The following ZFPM2 variants were observed in gnomAD, a reference collection of about 807,000 sequenced individuals.
ZFPM2 encodes zinc finger protein ZFPM2.
A neutral mutation model predicts 98.6 loss-of-function variants in ZFPM2; 20 were observed. The observed-to-expected ratio is 0.20, with a 90% CI of 0.14 to 0.29. ZFPM2 has a LOEUF of 0.29. Ranked by LOEUF, ZFPM2 falls within the 10% of genes least tolerant of loss-of-function variation. The pLI, the probability that ZFPM2 is intolerant of heterozygous loss-of-function variation, is 1.00. For missense variants in ZFPM2, 1,310 were observed against 1,388.6 expected (o/e 0.94, Z 0.90); for synonymous variants, 518 against 502.7 (o/e 1.03, Z -0.41).
chr8:105,445,711 C>A (rs979299316), intron 3 of ZFPM2, among the ~76,000 whole-genome samples: 2 of 149,932 alleles, frequency 1.3e-5, no homozygotes, highest in African/African-American at 4.9e-5. Context: ...CTCAAGTGAT[C>A]CTCCCACCTC....
At chr8:105,537,800 G>T (rs1162072433) in intron 3 of ZFPM2, among the ~76,000 whole-genome samples, 1 of 150,966 alleles carries the variant, frequency 6.6e-6, no homozygotes, top group Non-Finnish European at 1.5e-5. Context: ...GCACAATTTC[G>T]GCTCACTGCA....
chr8:105,541,730 C>T (rs761885414), intron 3 of ZFPM2, among the ~76,000 whole-genome samples: 7 of 152,034 alleles, frequency 4.6e-5, no homozygotes, highest in Non-Finnish European at 1.0e-4. Flanking sequence ...AATATATTTC[C>T]ATTTAAAACA....
chr8:105,609,083 A>G (rs1425996603), intron 4 of ZFPM2, among the ~76,000 whole-genome samples: 1 of 152,182 alleles, frequency 6.6e-6, no homozygotes, highest in Non-Finnish European at 1.5e-5. Context: ...TACAAGCAAT[A>G]TATCAACAAG....
intron 3 of ZFPM2, among the ~76,000 whole-genome samples, chr8:105,447,193 A>G (rs1244467146): frequency 6.6e-6 from 1 of 151,878 alleles, no homozygotes; most frequent in Non-Finnish European, 1.5e-5. Context: ...CCTACTATAT[A>G]CCCACAAAAA....
At chr8:105,687,531 G>C (rs1222336055) in intron 5 of ZFPM2, among the ~76,000 whole-genome samples, 1 of 152,094 alleles carries the variant, frequency 6.6e-6, no homozygotes, top group African/African-American at 2.4e-5. Context: ...GATGTAAACT[G>C]TATAAATAAG....
Position 105,444,326 on chromosome 8 carries a change from A to G in ZFPM2, c.246A>G (p.Thr82=). 1.9e-6 allele frequency: 3 copies of G among 1,612,596 alleles called. No homozygotes were observed. The highest frequency in any genetic ancestry group is 2.2e-5 in the South Asian group (2 of 90,504). Residue 82 remains threonine (T), a synonymous_variant, in exon 3 of 8, where the codon ACA becomes ACG. Transcript: ENST00000407775. The stretch of plus-strand genomic sequence containing the variant: ...AGACAGCAGAATCAGATGGGGACAC[A>G]CAGTCAGAGAAACCGGGGCAACCTG... ...IQETAESDGD[T]QSEKPGQPGV... is the part of the protein sequence containing the mutation.
intron 5 of ZFPM2, among the ~76,000 whole-genome samples, chr8:105,754,952 G>A (rs1812563594): frequency 1.7e-5 from 2 of 116,728 alleles, no homozygotes; most frequent in African/African-American, 8.9e-5. Flanking sequence ...TAATATGTGT[G>A]TGTGTGTGTG....
At chr8:105,669,521 A>G (rs1268967206) in intron 5 of ZFPM2, among the ~76,000 whole-genome samples, 1 of 146,012 alleles carries the variant, frequency 6.8e-6, no homozygotes. Context: ...TCTCTATTTT[A>G]AGCTGAAAGT....
At chr8:105,364,352 G>T (rs894951273) in intron 1 of ZFPM2, among the ~76,000 whole-genome samples, 3 of 152,044 alleles carry the variant, frequency 2.0e-5, no homozygotes, top group African/African-American at 4.8e-5. Flanking sequence ...ATAATTCATG[G>T]CAAGTAGGAG....
At chr8:105,667,021 A>G (rs955737301) in intron 5 of ZFPM2, among the ~76,000 whole-genome samples, 5 of 152,198 alleles carry the variant, frequency 3.3e-5, no homozygotes, top group African/African-American at 4.8e-5. Flanking sequence ...TAAAAGTGGA[A>G]TTAGCCACTT....
chr8:105,428,697 A>G (rs1414744082), intron 2 of ZFPM2, among the ~76,000 whole-genome samples: 1 of 152,206 alleles, frequency 6.6e-6, no homozygotes, highest in Non-Finnish European at 1.5e-5. Flanking sequence ...TTTGACCTCA[A>G]CACAAAATAA....
intron 1 of ZFPM2, among the ~76,000 whole-genome samples, chr8:105,385,338 T>C (rs889194329): frequency 2.6e-5 from 4 of 152,208 alleles, no homozygotes; most frequent in Admixed American, 6.5e-5. Flanking sequence ...CTATTCTTAG[T>C]AGTGGAAATA....
chr8:105,382,664 G>T (rs1810910818), intron 1 of ZFPM2, among the ~76,000 whole-genome samples: 1 of 152,024 alleles, frequency 6.6e-6, no homozygotes, highest in African/African-American at 2.4e-5. Context: ...TTCTACATTT[G>T]GGGAATGGCT....
intron 5 of ZFPM2, among the ~76,000 whole-genome samples, chr8:105,700,322 G>C (rs1358920261): frequency 5.3e-5 from 8 of 152,152 alleles, no homozygotes; most frequent in Admixed American, 5.2e-4. Flanking sequence ...AGGTTTTCAA[G>C]AATTATTACA....
intron 2 of ZFPM2, among the ~76,000 whole-genome samples, chr8:105,431,532 G>T (rs1403960713): frequency 6.6e-6 from 1 of 152,136 alleles, no homozygotes; most frequent in East Asian, 1.9e-4. Flanking sequence ...TTACCTTATA[G>T]TGGGGAGGCA....
At chr8:105,794,711 C>T (rs892921726) in intron 6 of ZFPM2, among the ~76,000 whole-genome samples, 4 of 152,242 alleles carry the variant, frequency 2.6e-5, no homozygotes, top group Admixed American at 6.5e-5. Flanking sequence ...AGGCAGACCT[C>T]CTGGAGCTGT....
chr8:105,663,242 A>G (rs61203393), intron 5 of ZFPM2, among the ~76,000 whole-genome samples: 23,151 of 152,172 alleles, frequency 0.15, 1,847 homozygotes, highest in African/African-American at 0.19. Context: ...GTGGGGGGCA[A>G]GGGAGGAATA....
chr8:105,694,857 A>G (rs1306662260), intron 5 of ZFPM2, among the ~76,000 whole-genome samples: 1 of 152,178 alleles, frequency 6.6e-6, no homozygotes, highest in Non-Finnish European at 1.5e-5. Context: ...ATTAAGAACA[A>G]ATTTCAAACA....
chr8:105,786,523 C>A (rs1274324047), intron 5 of ZFPM2, among the ~76,000 whole-genome samples: 5 of 152,012 alleles, frequency 3.3e-5, no homozygotes, highest in Admixed American at 2.0e-4. Flanking sequence ...ATTTTCAGTC[C>A]AATTTAGCCG....
Sources: allele counts gnomAD v4.1 joint callset (sites outside exome capture counted in the v4.1 genomes callset), GRCh38; gene constraint gnomAD v4.1.1; transcripts MANE v1.5; gene names NCBI Gene and HGNC (gene_info 2026-07-23, HGNC 2026-07-21).